Variants in CHMP3 observed in about 807,000 individuals in gnomAD.
CHMP3 encodes 25.1 protein.
A neutral mutation model predicts 27.4 loss-of-function variants in CHMP3; 8 were observed. The observed-to-expected ratio is 0.29, with a 90% CI of 0.17 to 0.53. The LOEUF (loss-of-function observed/expected upper bound fraction) is 0.53. Ranked by LOEUF, CHMP3 falls within the 20% of genes least tolerant of loss-of-function variation. The pLI, the probability that CHMP3 is intolerant of heterozygous loss-of-function variation, is 0.96. For synonymous variants in CHMP3, 86 were observed against 85.5 expected (o/e 1.01, Z -0.03); for missense variants, 208 against 271.5 (o/e 0.77, Z 1.64).
At chr2:86,556,544 G>T (rs77442606) in intron 1 of CHMP3, among the ~76,000 whole-genome samples, 2,806 of 152,284 alleles carry the variant, frequency 0.018, 50 homozygotes, top group East Asian at 0.053. Context: ...GCTGAAGGCA[G>T]CCAGATTCTC....
At chr2:86,535,137 T>C (rs967904664) in intron 2 of CHMP3, among the ~76,000 whole-genome samples, 3 of 151,432 alleles carry the variant, frequency 2.0e-5, no homozygotes, top group African/African-American at 7.3e-5. Flanking sequence ...GCATCTATAG[T>C]CCCAGGTACT....
chr2:86,504,030 G>A lies in CHMP3; in HGVS notation c.*1774C>T, dbSNP rs1364316637. ...AATAATCTGTATAACAAACCCCCTT[G>A]TCACGAGTTTACCTGCACATGTACC... On this transcript the variant is annotated 3_prime_UTR_variant, in exon 6 of 6. Coordinates refer to ENST00000263856, the MANE Select transcript of CHMP3 (RefSeq NM_016079.4). 6.6e-6 allele frequency: 1 copy of A among 152,106 alleles called. No individual in the cohort carries two copies. Among genetic ancestry groups the A allele is most frequent in the African/African-American group, 2.4e-5 (1 of 41,400 alleles). 9.4% of individuals were successfully genotyped at this position (152,106 alleles called of 1,614,324 possible). A position where few individuals can be genotyped will look rare whatever the true frequency, so the allele number is the denominator to read the frequency against.
rs80076054 is a variant in CHMP3, at chr2:86,557,373, C to T, written c.45+5931G>A. ...TATCCTCTCCATTCCCATTGCCATT[C>T]TAAGGCTCACATCATCTATCACCTG... is the stretch of plus-strand genomic sequence containing the variant. On this transcript the variant is annotated intron_variant, in intron 1 of 5. Transcript: ENST00000263856. Among the ~76,000 whole-genome samples, 160 of 152,336 alleles carry T rather than the reference C, an allele frequency of 1.1e-3. 3 individuals carry two copies. The East Asian group carries it at 0.026, about 25-fold the overall frequency.
At chr2:86,510,972 ATGTG>A (rs1675085255) in intron 3 of CHMP3, 1 of 152,982 alleles carries the variant, frequency 6.5e-6, no homozygotes, top group Non-Finnish European at 1.5e-5. Context: ...GAATATGTGT[ATGTG>A]TGTCAATGTG....
At position 86,505,826 on chromosome 2, in the gene CHMP3, C is replaced by T. The variant is rs369026092; in HGVS notation, c.647G>A (p.Arg216Gln). 38 of 1,593,694 alleles carry T rather than the reference C, an allele frequency of 2.4e-5. No homozygotes were observed. Among genetic ancestry groups the T allele is most frequent in the African/African-American group, 9.5e-5 (7 of 74,008 alleles). Residue 216 changes from arginine (R) to glutamine (Q), a missense_variant, in exon 6 of 6, where the codon CGG (arginine) becomes CAG (glutamine). Around this residue, in one of 3 missense-constraint regions of CHMP3, gnomAD observed 62 missense variants for 68.4 expected, o/e 0.91. Coordinates refer to ENST00000263856, the MANE Select transcript of CHMP3 (RefSeq NM_016079.4). ...CCCCTAGCTGCGGAGTGTGGCCAGC[C>T]GGGACTGCATGGCCTCCAGAGCCTC... is the stretch of plus-strand genomic sequence containing the variant. ...EEEALEAMQS[R>Q]LATLRS
chr2:86,554,816 CGTGTGTGTGTGT>C (rs70956121), intron 1 of CHMP3, among the ~76,000 whole-genome samples: 10 of 145,384 alleles, frequency 6.9e-5, no homozygotes, highest in Admixed American at 2.7e-4. Context: ...TGTGTGCGCG[CGTGTGTGTGTGT>C]GTGTGTGTGT....
At chr2:86,523,642 G>A (rs1005766359) in intron 3 of CHMP3, among the ~76,000 whole-genome samples, 1 of 151,936 alleles carries the variant, frequency 6.6e-6, no homozygotes, top group Admixed American at 6.6e-5. Context: ...CTCAGAAAGC[G>A]TATACTTAAA....
chr2:86,510,300 T>A, intron 4 of CHMP3, 58 bp downstream of exon 4: 1 of 1,563,402 alleles, frequency 6.4e-7, no homozygotes, highest in Non-Finnish European at 8.7e-7. Flanking sequence ...AGCCCCCTGT[T>A]ACTTGTTTAG....
chr2:86,511,665 C>G (rs1478216488), intron 3 of CHMP3: 2 of 151,672 alleles, frequency 1.3e-5, no homozygotes, highest in Non-Finnish European at 2.9e-5. Context: ...GTTTATAAAG[C>G]CTGATGTCTA....
At chr2:86,530,009 T>G (rs776968280) in intron 2 of CHMP3, among the ~76,000 whole-genome samples, 4 of 152,152 alleles carry the variant, frequency 2.6e-5, no homozygotes, top group Admixed American at 6.5e-5. Context: ...TTTTTTATTT[T>G]TTGAGATGGA....
At chr2:86,506,937 C>T (rs1674909611) in intron 5 of CHMP3, 1 of 152,300 alleles carries the variant, frequency 6.6e-6, no homozygotes, top group Non-Finnish European at 1.5e-5. Context: ...ATAAATAATG[C>T]TACTACAGAC....
chr2:86,510,215 A>G (rs1675045137), intron 4 of CHMP3, 143 bp downstream of exon 4: 40 of 1,319,230 alleles, frequency 3.0e-5, no homozygotes, highest in Non-Finnish European at 4.1e-5. Context: ...GTTTCAATCA[A>G]TGTTAACAGC....
intron 2 of CHMP3, among the ~76,000 whole-genome samples, chr2:86,535,069 C>A (rs1676073187): frequency 1.3e-5 from 2 of 152,078 alleles, no homozygotes; most frequent in East Asian, 1.9e-4. Flanking sequence ...CTAGCCTAGG[C>A]AACATGATGA....
chr2:86,533,751 C>T (rs920486811), intron 2 of CHMP3, among the ~76,000 whole-genome samples: 4 of 123,388 alleles, frequency 3.2e-5, no homozygotes, highest in Non-Finnish European at 6.7e-5. Flanking sequence ...GTGATCTGCC[C>T]GCCTTGGCCT....
At chr2:86,552,942 G>A (rs1676967675) in intron 1 of CHMP3, among the ~76,000 whole-genome samples, 2 of 151,838 alleles carry the variant, frequency 1.3e-5, no homozygotes, top group African/African-American at 4.8e-5. Flanking sequence ...GCTTATAAGT[G>A]GGAGTTGAAT....
intron 1 of CHMP3, chr2:86,561,506 G>A (rs1305732101): frequency 6.6e-6 from 1 of 152,152 alleles, no homozygotes; most frequent in Non-Finnish European, 1.5e-5. Context: ...ATCAGATTTT[G>A]AATTCTGACA....
chr2:86,509,833 C>T (rs549251714), intron 4 of CHMP3, among the ~76,000 whole-genome samples: 50 of 152,314 alleles, frequency 3.3e-4, no homozygotes, highest in African/African-American at 1.1e-3. Context: ...TGCCGGGGCT[C>T]GGCAGCAATG....
At chr2:86,522,353 A>G (rs934365704) in intron 3 of CHMP3, among the ~76,000 whole-genome samples, 1 of 152,120 alleles carries the variant, frequency 6.6e-6, no homozygotes, top group Non-Finnish European at 1.5e-5. Context: ...CCTTGTCCCA[A>G]GTTCTATCCT....
intron 2 of CHMP3, among the ~76,000 whole-genome samples, chr2:86,539,269 C>CT (rs2103976482): frequency 6.6e-6 from 1 of 152,158 alleles, no homozygotes; most frequent in South Asian, 2.1e-4. Context: ...TTGGTATCAC[C>CT]ATCAAGTAGT....
Sources: gnomAD v4.1 joint callset for allele counts (sites outside exome capture counted in the v4.1 genomes callset) on GRCh38, gnomAD v4.1.1 for gene constraint, gnomAD v4.1.1 regional missense constraint, MANE v1.5 for transcripts, NCBI Gene and HGNC (gene_info 2026-07-23, HGNC 2026-07-21) for gene names.